IZUMO2: variants seen among roughly 807,000 people sequenced by gnomAD.
The protein encoded by IZUMO2 is IZUMO family member 2.
Under a neutral mutation model 31.2 loss-of-function variants are expected in IZUMO2, and 24 were observed. The observed-to-expected ratio is 0.77, with a 90% CI of 0.56 to 1.08. The LOEUF is 1.08. Among genes scored for constraint, IZUMO2 ranks in the 50% least tolerant of loss-of-function variants. The probability of loss-of-function intolerance (pLI) is 0.00; values close to 1 mark genes in which losing one functional copy is unlikely to be tolerated. For synonymous variants in IZUMO2, 144 were observed against 117.3 expected, an observed-to-expected ratio of 1.23 and a Z score of -1.47; for missense variants, 278 against 274.0, an observed-to-expected ratio of 1.01 and a Z score of -0.10.
At chr19:50,158,237 C>T in intron 5 of IZUMO2, 31 bp downstream of exon 5, 2 of 1,461,974 alleles carry the variant, frequency 1.4e-6, no homozygotes, top group Non-Finnish European at 1.9e-6. Flanking sequence ...GCACGCCTGT[C>T]CCATGTCTTC....
At chr19:50,155,992 C>A (rs541569705) in intron 5 of IZUMO2, among the ~76,000 whole-genome samples, 1 of 152,250 alleles carries the variant, frequency 6.6e-6, no homozygotes, top group African/African-American at 2.4e-5. Flanking sequence ...TGACACTGTT[C>A]CCATCACTCA....
At chr19:50,162,883 C>T in intron 1 of IZUMO2, 70 bp from the exon 2 acceptor site, 1 of 1,604,410 alleles carries the variant, frequency 6.2e-7, no homozygotes, top group East Asian at 2.2e-5. Context: ...CCCCTCCAGG[C>T]CTGGCCCCGA....
Position 50,162,978 on chromosome 19 carries a change from A to G in IZUMO2, c.217T>C (p.Phe73Leu), listed in dbSNP as rs199600819. Residue 73 changes from phenylalanine (F) to leucine (L), a missense_variant, in exon 1 of 7, where the codon TTT becomes CTT. By Grantham distance (22) the Phe-to-Leu change is conservative. Coordinates refer to ENST00000293405, the MANE Select transcript of IZUMO2 (RefSeq NM_152358.3). The stretch of plus-strand genomic sequence containing the variant: ...CAACACGCACCCACTTTCCCCACAA[A>G]CACGTTCAGCGCGTAGTCCCGGAAG... ...PFFRDYALNV[F>L]VGKVETNQLD... The G allele has an allele frequency of 6.2e-7, 1 of 1,612,882 alleles. No individual in the cohort carries two copies. Among genetic ancestry groups the G allele is most frequent in the South Asian group, 1.1e-5 (1 of 91,014 alleles).
In IZUMO2 at chr19:50,163,049, A is replaced by T. The variant is rs1326990588; in HGVS notation, c.146T>A (p.Leu49Gln). The change falls in exon 1 of 7, where the codon CTG becomes CAG. Residue 49 changes from leucine (L) to glutamine (Q), a missense_variant. By Grantham distance (113) the Leu-to-Gln change is moderately radical. Transcript: ENST00000293405. ...CAGCACGGCCCCGGCGCGCGCCTGC[A>T]GCTGCTCCAACTGGAAGCGACTGGG... ...LIPSRFQLEQLQARAGAVLMG... is the reference protein window; with the variant it reads ...LIPSRFQLEQQQARAGAVLMG... 3 of 1,612,994 alleles carry T rather than the reference A, an allele frequency of 1.9e-6. No individual in the cohort carries two copies. Among genetic ancestry groups the T allele is most frequent in the Non-Finnish European group, 2.5e-6 (3 of 1,179,312 alleles).
In IZUMO2 at chr19:50,162,736, T is replaced by G; in HGVS notation, c.307+3A>C. ...GGAGAAGGCGTTCCCTCGTCTCTCC[T>G]ACCTTTCAGAGAGTTACCCATTAAG... On this transcript the variant is annotated splice_donor_region_variant and intron_variant, in intron 2 of 6. Transcript: ENST00000293405. 6.2e-7 allele frequency: 1 copy of G among 1,612,926 alleles called. No individual in the cohort carries two copies. The highest frequency in any genetic ancestry group is 8.5e-7 in the Non-Finnish European group (1 of 1,178,888).
In IZUMO2 at chr19:50,154,068, G is replaced by A. The variant is rs1034931160; in HGVS notation, c.623+532C>T. On this transcript the variant is annotated intron_variant, in intron 6 of 6. Transcript: ENST00000293405. ...AGCGAGATAAGCTTAGAGGGGGAGA[G>A]GAAGGTGAGGGCCACTTCCTCCCTA... Among the ~76,000 whole-genome samples, 101 of 149,218 alleles carry A rather than the reference G, an allele frequency of 6.8e-4. 1 individual carries two copies. Among genetic ancestry groups the A allele is most frequent in the Non-Finnish European group, 4.6e-4 (31 of 67,504 alleles).
rs199908582 is a variant in IZUMO2, at chr19:50,162,945, A to G, written c.232+18T>C. ...ATCCCTCGCCCAGCCCCGCTGCCCA[A>G]TTTCTCCCAACACGCACCCACTTTC... is the stretch of plus-strand genomic sequence containing the variant. On this transcript the variant is annotated intron_variant, in intron 1 of 6. Transcript: ENST00000293405. 74 of 1,613,184 alleles carry G rather than the reference A, an allele frequency of 4.6e-5. No homozygotes were observed. In the Admixed American group the frequency reaches 9.7e-4, roughly 21 times the overall value.
At chr19:50,155,522 T>C (rs909377854) in intron 5 of IZUMO2, among the ~76,000 whole-genome samples, 1 of 152,234 alleles carries the variant, frequency 6.6e-6, no homozygotes, top group African/African-American at 2.4e-5. Context: ...GAAGGTGGCC[T>C]TGGGAGTTGC....
chr19:50,156,896 G>C (rs958947692), intron 5 of IZUMO2, among the ~76,000 whole-genome samples: 2 of 152,150 alleles, frequency 1.3e-5, no homozygotes, highest in Non-Finnish European at 2.9e-5. Flanking sequence ...AAATATTCTG[G>C]GGACAATTAA....
At chr19:50,157,496 GT>G (rs1178958519) in intron 5 of IZUMO2, among the ~76,000 whole-genome samples, 1 of 151,058 alleles carries the variant, frequency 6.6e-6, no homozygotes, top group African/African-American at 2.4e-5. Flanking sequence ...TAGAGACGGG[GT>G]TTCACTATGT....
At chr19:50,159,401 G>A in intron 3 of IZUMO2, 93 bp downstream of exon 3, 1 of 1,225,028 alleles carries the variant, frequency 8.2e-7, no homozygotes, top group Non-Finnish European at 1.2e-6. Context: ...CTATAGGGGA[G>A]GTGAAGAAGG....
Position 50,159,499 on chromosome 19 carries a change from A to G in IZUMO2, c.389T>C (p.Leu130Ser). The G allele has an allele frequency of 6.2e-7, 1 of 1,605,884 alleles. No individual in the cohort carries two copies. The highest frequency in any genetic ancestry group is 8.5e-7 in the Non-Finnish European group (1 of 1,172,604). Residue 130 changes from leucine to serine, a missense_variant, in exon 3 of 7, where the codon TTA (leucine) becomes TCA (serine). By Grantham distance (145) the Leu-to-Ser change is moderately radical (BLOSUM62 -2). Coordinates refer to ENST00000293405, the MANE Select transcript of IZUMO2 (RefSeq NM_152358.3). ...EFKKVLISYE[L>S]KACNPKLCRL... ...GGTGGAGAGATATGCTGCACCTTTT[A>G]ATTCATATGAAATTAAAACTTTCTT...
intron 3 of IZUMO2, 108 bp from the exon 4 acceptor site, chr19:50,159,358 A>G: frequency 7.5e-7 from 1 of 1,333,664 alleles, no homozygotes. Context: ...AAAGGAGAGA[A>G]GGGAAGATTG....
intron 3 of IZUMO2, 69 bp downstream of exon 3, chr19:50,159,425 A>C: frequency 1.5e-6 from 2 of 1,304,696 alleles, no homozygotes; most frequent in Admixed American, 1.9e-5. Context: ...TTGGGAGAAA[A>C]AGTGGTAAAA....
At chr19:50,162,454 A>C (rs2030430658) in intron 2 of IZUMO2, among the ~76,000 whole-genome samples, 2 of 151,880 alleles carry the variant, frequency 1.3e-5, no homozygotes, top group Non-Finnish European at 2.9e-5. Context: ...CAAAAAATTA[A>C]AAAGTAGAAA....
Position 50,154,064 on chromosome 19 carries a change from G to T in IZUMO2, c.623+536C>A, listed in dbSNP as rs560115005. ...AGGCAGCGAGATAAGCTTAGAGGGG[G>T]AGAGGAAGGTGAGGGCCACTTCCTC... On this transcript the variant is annotated intron_variant, in intron 6 of 6. Transcript: ENST00000293405. 2.0e-5 allele frequency among the ~76,000 whole-genome samples: 3 copies of T among 149,664 alleles called. No individual in the cohort carries two copies. In the East Asian group the frequency reaches 6.1e-4, roughly 30 times the overall value.
intron 3 of IZUMO2, 49 bp from the exon 4 acceptor site, chr19:50,159,299 T>C (rs1230141820): frequency 5.0e-6 from 8 of 1,595,206 alleles, no homozygotes; most frequent in African/African-American, 4.0e-5. Flanking sequence ...GGCAACTTGA[T>C]AATTTAATTG....
At chr19:50,153,748 G>C (rs1326898611) in intron 6 of IZUMO2, 1 of 151,094 alleles carries the variant, frequency 6.6e-6, no homozygotes, top group Admixed American at 6.6e-5. Flanking sequence ...GTTGCAGTGA[G>C]CCAAGGTCGC....
chr19:50,162,785 G>C lies in IZUMO2; in HGVS notation c.261C>G (p.Ser87=). 1 of 1,613,952 alleles carries C rather than the reference G, an allele frequency of 6.2e-7. No homozygotes were observed. The highest frequency in any genetic ancestry group is 8.5e-7 in the Non-Finnish European group (1 of 1,180,010). The part of the protein sequence containing the change: ...VETNQLDLVA[S]FVKNQTQHLM... ...AGTGCTGCGTTTGGTTCTTGACAAA[G>C]GACGCCACAAGGTCCAGTTGATTTG... Residue 87 remains serine (S), a synonymous_variant, in exon 2 of 7, where the codon TCC becomes TCG. Transcript: ENST00000293405.
Sources: allele counts gnomAD v4.1 joint callset (sites outside exome capture counted in the v4.1 genomes callset), GRCh38; gene constraint gnomAD v4.1.1; transcripts MANE v1.5; gene names NCBI Gene and HGNC (gene_info 2026-07-23, HGNC 2026-07-21).